KCNT1: variants seen among roughly 807,000 people sequenced by gnomAD.
KCNT1 encodes potassium channel subfamily T member 1.
KCNT1 carries 78 observed loss-of-function variants against 147.8 expected under a neutral mutation model. That is an observed-to-expected ratio of 0.53 (90% CI 0.44 to 0.64). KCNT1 has a LOEUF of 0.64. KCNT1 is among the 30% of genes least tolerant of loss of function. The pLI, the probability that KCNT1 is intolerant of heterozygous loss-of-function variation, is 0.00. For missense variants in KCNT1, 1,419 were observed against 1,750.3 expected (o/e 0.81, Z 3.38); for synonymous variants, 867 against 748.8 (o/e 1.16, Z -2.58).
chr9:135,706,582 A>G (rs1428416117), intron 1 of KCNT1, among the ~76,000 whole-genome samples: 4 of 152,222 alleles, frequency 2.6e-5, no homozygotes, highest in African/African-American at 9.6e-5. Context: ...AAAGGCACAC[A>G]GGCCTCCTCC....
chr9:135,758,271 A>G, intron 9 of KCNT1, 143 bp from the exon 10 acceptor site: 1 of 640,220 alleles, frequency 1.6e-6, no homozygotes, highest in East Asian at 2.8e-5. Context: ...AGGTGTGGCC[A>G]GGTACAGGCT....
Position 135,704,138 on chromosome 9 carries a change from G to C in KCNT1, c.110+1770G>C, listed in dbSNP as rs193076742. Among the ~76,000 whole-genome samples, 58 of 152,336 alleles carry C rather than the reference G, an allele frequency of 3.8e-4. 1 individual carries two copies. In the Middle Eastern group the frequency reaches 0.027, roughly 71 times the overall value. ...CTGGTGGTGGGGGGAGCTCTGTGGG[G>C]CGGGTTTCCCCACCAGCTCTCACAT... On this transcript the variant is annotated intron_variant, in intron 1 of 30. Coordinates refer to ENST00000371757, the MANE Select transcript of KCNT1 (RefSeq NM_020822.3).
chr9:135,732,750 ATC>A (rs71505362), intron 2 of KCNT1, among the ~76,000 whole-genome samples: 2,227 of 147,810 alleles, frequency 0.015, 24 homozygotes, highest in Middle Eastern at 0.038. Context: ...AGTCCAACCT[ATC>A]TCTCTCTCTC....
chr9:135,771,552 G>A (rs577164201), intron 18 of KCNT1, among the ~76,000 whole-genome samples: 10 of 152,334 alleles, frequency 6.6e-5, no homozygotes, highest in Admixed American at 1.3e-4. Flanking sequence ...CCATCAGCCC[G>A]GAGGGTCTGC....
chr9:135,771,022 G>A lies in KCNT1; in HGVS notation c.1935G>A (p.Lys645=), dbSNP rs1266411991. The change falls in exon 18 of 31, where the codon AAG becomes AAA. Residue 645 remains lysine, a synonymous_variant. Transcript: ENST00000371757. ...FIFKQEEKRK[K]RAFSGQGLHE... ...TCAAGCAGGAGGAGAAGCGGAAGAA[G>A]AGGGCCTTCTCGGGGCAGGGGCTGC... The A allele has an allele frequency of 1.9e-6, 3 of 1,613,566 alleles. No homozygotes were observed. The highest frequency in any genetic ancestry group is 1.7e-5 in the Admixed American group (1 of 59,954).
At chr9:135,791,958 C>T in intron 30 of KCNT1, 77 bp downstream of exon 30, 4 of 1,610,514 alleles carry the variant, frequency 2.5e-6, no homozygotes, top group Non-Finnish European at 3.4e-6. Flanking sequence ...GCCACAGGCA[C>T]CACAGTGGGG....
intron 4 of KCNT1, 42 bp from the exon 5 acceptor site, chr9:135,753,895 C>T: frequency 6.2e-7 from 1 of 1,611,294 alleles, no homozygotes; most frequent in Non-Finnish European, 8.5e-7. Flanking sequence ...TGCAGTGGTG[C>T]TAGAGGGGCC....
intron 11 of KCNT1, among the ~76,000 whole-genome samples, chr9:135,762,724 T>G (rs1000169689): frequency 2.6e-5 from 4 of 152,186 alleles, no homozygotes; most frequent in Non-Finnish European, 5.9e-5. Context: ...CACTCCAGCC[T>G]GGGTGACAGA....
intron 2 of KCNT1, among the ~76,000 whole-genome samples, chr9:135,727,033 CCCAT>C (rs1836200826): frequency 1.1e-5 from 1 of 94,134 alleles, no homozygotes; most frequent in Non-Finnish European, 2.2e-5. Context: ...CCCTCTCTTT[CCCAT>C]TCTCTCTCTC....
intron 11 of KCNT1, among the ~76,000 whole-genome samples, chr9:135,760,309 G>T (rs956256342): frequency 1.3e-5 from 2 of 152,226 alleles, no homozygotes; most frequent in South Asian, 4.1e-4. Flanking sequence ...GAGCAGAGGA[G>T]GGGACGGGGC....
In KCNT1 at chr9:135,702,278, C is replaced by T. The variant is rs1044336128; in HGVS notation, c.20C>T (p.Ala7Val). 6.2e-7 allele frequency: 1 copy of T among 1,608,830 alleles called. No individual in the cohort carries two copies. The highest frequency in any genetic ancestry group is 8.5e-7 in the Non-Finnish European group (1 of 1,177,808). ...GGCCGCATGCCACTCCCTGACGGGG[C>T]GCGGACCCCGGGGGGCGTCTGCCGG... MPLPDG[A>V]RTPGGVCREA... The change falls in exon 1 of 31, where the codon GCG becomes GTG. Residue 7 changes from alanine to valine, a missense_variant. Ala to Val is a moderately conservative substitution (Grantham distance 64). Transcript: ENST00000371757.
intron 11 of KCNT1, among the ~76,000 whole-genome samples, chr9:135,761,923 C>G (rs1377488549): frequency 6.6e-6 from 1 of 152,228 alleles, no homozygotes; most frequent in Admixed American, 6.5e-5. Context: ...CGAAGAGGAG[C>G]CCCAGCCCCA....
Position 135,777,421 on chromosome 9 carries a change from C to T in KCNT1, c.2433C>T (p.Gly811=), listed in dbSNP as rs1453916119. 1.9e-6 allele frequency: 3 copies of T among 1,613,586 alleles called. No individual in the cohort carries two copies. Among genetic ancestry groups the T allele is most frequent in the Non-Finnish European group, 2.5e-6 (3 of 1,179,538 alleles). Residue 811 remains glycine (G), a synonymous_variant, in exon 21 of 31, where the codon GGC becomes GGT. Transcript: ENST00000371757. ...KLIIVSAETA[G]NGLYNFIVPL... is the part of the protein sequence containing the mutation. ...TCATCGTCTCGGCAGAGACGGCCGG[C>T]AATGGGCTGTACAACTTCATCGTGC... is the stretch of plus-strand genomic sequence containing the variant.
At chr9:135,736,052 C>G (rs931113656) in intron 2 of KCNT1, among the ~76,000 whole-genome samples, 2 of 152,264 alleles carry the variant, frequency 1.3e-5, no homozygotes, top group African/African-American at 2.4e-5. Flanking sequence ...GCCTGGCATA[C>G]AGGCACCATC....
intron 9 of KCNT1, 123 bp downstream of exon 9, chr9:135,757,504 G>A (rs1404173789): frequency 4.9e-6 from 4 of 808,674 alleles, no homozygotes; most frequent in East Asian, 5.3e-5. Context: ...GTAGAGGACC[G>A]GGAAGCCAGG....
At chr9:135,770,753 G>A (rs1043589540) in intron 17 of KCNT1, 104 bp from the exon 18 acceptor site, 70 of 1,143,486 alleles carry the variant, frequency 6.1e-5, no homozygotes, top group East Asian at 1.3e-4. Flanking sequence ...GGAGGAAGAC[G>A]CGGAGCTCCG....
At chr9:135,776,136 G>T (rs574552179) in intron 20 of KCNT1, among the ~76,000 whole-genome samples, 4 of 152,242 alleles carry the variant, frequency 2.6e-5, no homozygotes, top group African/African-American at 9.6e-5. Flanking sequence ...TCCCCACTGT[G>T]AAAATGACTG....
intron 11 of KCNT1, among the ~76,000 whole-genome samples, chr9:135,762,841 G>A (rs567365621): frequency 1.5e-4 from 23 of 152,348 alleles, no homozygotes; most frequent in African/African-American, 4.3e-4. Flanking sequence ...GGAAATTCAC[G>A]GAACAAATGC....
At chr9:135,787,152 G>T (rs1286419805) in intron 29 of KCNT1, among the ~76,000 whole-genome samples, 2 of 152,216 alleles carry the variant, frequency 1.3e-5, no homozygotes, top group Non-Finnish European at 2.9e-5. Flanking sequence ...TCCACCATGG[G>T]CCTGTTGCCA....
Sources: gnomAD v4.1 joint callset for allele counts (sites outside exome capture counted in the v4.1 genomes callset) on GRCh38, gnomAD v4.1.1 for gene constraint, MANE v1.5 for transcripts, NCBI Gene and HGNC (gene_info 2026-07-23, HGNC 2026-07-21) for gene names.